The following EBF1 variants were observed in gnomAD, a reference collection of about 807,000 sequenced individuals.
The protein encoded by EBF1 is transcription factor COE1.
Under a neutral mutation model 68.4 loss-of-function variants are expected in EBF1, and 10 were observed. The observed-to-expected ratio is 0.15, with a 90% CI of 0.09 to 0.25. The LOEUF is 0.25. Among genes scored for constraint, EBF1 ranks in the 10% least tolerant of loss-of-function variants. The pLI is 1.00. For synonymous variants in EBF1, 298 were observed against 299.8 expected (o/e 0.99, Z 0.06); for missense variants, 509 against 794.4 (o/e 0.64, Z 4.32).
chr5:159,014,330 C>T (rs148423538), intron 6 of EBF1, among the ~76,000 whole-genome samples: 2 of 152,112 alleles, frequency 1.3e-5, no homozygotes, highest in Admixed American at 6.5e-5. Flanking sequence ...TTACCATGTC[C>T]CCAAAATTAA....
intron 10 of EBF1, among the ~76,000 whole-genome samples, chr5:158,749,853 A>G (rs1052009419): frequency 6.6e-6 from 1 of 152,130 alleles, no homozygotes; most frequent in Non-Finnish European, 1.5e-5. Context: ...GGTCTGGGCA[A>G]GGTAAACTAA....
chr5:159,084,811 G>A (rs1419139857), intron 4 of EBF1, 72 bp from the exon 5 acceptor site: 5 of 1,363,636 alleles, frequency 3.7e-6, no homozygotes, highest in Non-Finnish European at 5.0e-6. Context: ...TCACAATTGA[G>A]TTCTTAACCA....
At chr5:158,719,237 C>T (rs966622590) in intron 11 of EBF1, among the ~76,000 whole-genome samples, 4 of 152,162 alleles carry the variant, frequency 2.6e-5, no homozygotes, top group Middle Eastern at 3.4e-3. Context: ...TTCCTGCTGG[C>T]TTGGACTTAC....
chr5:158,969,919 A>G (rs13153502), intron 6 of EBF1, among the ~76,000 whole-genome samples: 5,858 of 60,022 alleles, frequency 0.098, 400 homozygotes, highest in African/African-American at 0.12. Context: ...AAAGAAAGAA[A>G]AAAAAAAAAA....
chr5:159,090,131 C>A (rs1459173060), intron 4 of EBF1, among the ~76,000 whole-genome samples: 1 of 151,788 alleles, frequency 6.6e-6, no homozygotes, highest in African/African-American at 2.4e-5. Context: ...AAGCCTTTGG[C>A]AGCAAATTAC....
intron 11 of EBF1, among the ~76,000 whole-genome samples, chr5:158,719,131 C>G (rs1188147166): frequency 6.6e-6 from 1 of 152,202 alleles, no homozygotes; most frequent in Non-Finnish European, 1.5e-5. Flanking sequence ...TTCCATTTAG[C>G]TACAGACTCT....
At position 158,907,674 on chromosome 5, in the gene EBF1, G is replaced by C. The variant is rs146542208; in HGVS notation, c.555-67564C>G. 4.6e-3 allele frequency among the ~76,000 whole-genome samples: 697 copies of C among 152,090 alleles called. 4 individuals carry two copies. The highest frequency in any genetic ancestry group is 0.016 in the African/African-American group (643 of 41,480). On this transcript the variant is annotated intron_variant, in intron 6 of 15. Transcript: ENST00000313708. ...TTTTAAATGAATAAGAACAGAATCA[G>C]TTCTCCTCTTTCACTACTATCACCA...
At chr5:158,898,653 T>G (rs557675564) in intron 6 of EBF1, among the ~76,000 whole-genome samples, 16 of 152,362 alleles carry the variant, frequency 1.1e-4, no homozygotes, top group African/African-American at 1.9e-4. Flanking sequence ...TTTCAAAACC[T>G]CAGACTTTCC....
rs190631354 is a variant in EBF1 at position 158,895,613 on chromosome 5, A to G, written c.555-55503T>C. Reference sequence around the variant, plus strand: ...CAGGTCAGTGACTAAAGACAATGCTATCATTCTACTGGGACACCATCAATA... The same window carrying G: ...CAGGTCAGTGACTAAAGACAATGCTGTCATTCTACTGGGACACCATCAATA... On this transcript the variant is annotated intron_variant, in intron 6 of 15. Coordinates refer to ENST00000313708, the MANE Select transcript of EBF1 (RefSeq NM_024007.5). 3.1e-3 allele frequency among the ~76,000 whole-genome samples: 471 copies of G among 152,326 alleles called. 4 individuals are homozygous for G. The highest frequency in any genetic ancestry group is 4.4e-3 in the Non-Finnish European group (299 of 68,026).
intron 10 of EBF1, among the ~76,000 whole-genome samples, chr5:158,745,588 C>T (rs568263410): frequency 6.6e-6 from 1 of 152,180 alleles, no homozygotes; most frequent in Non-Finnish European, 1.5e-5. Flanking sequence ...GCTGAAGAGA[C>T]TAGACCAGTT....
chr5:158,749,289 A>G (rs1410700754), intron 10 of EBF1, among the ~76,000 whole-genome samples: 1 of 152,148 alleles, frequency 6.6e-6, no homozygotes, highest in Non-Finnish European at 1.5e-5. Context: ...ACAATTTTCT[A>G]ATTGTCATTA....
intron 8 of EBF1, among the ~76,000 whole-genome samples, chr5:158,798,410 A>AT (rs1448879155): frequency 6.6e-6 from 1 of 152,168 alleles, no homozygotes; most frequent in South Asian, 2.1e-4. Flanking sequence ...GTTAATTTTT[A>AT]TTTTTTTAAT....
rs190617966 is a variant in EBF1, at chr5:158,737,116, C to T, written c.1037-5959G>A. The stretch of plus-strand genomic sequence containing the variant: ...TGCCCCTGCCTCGGAGAGAGCGAGG[C>T]TCAGGAGGGCTTCAGGGAAGGACTC... On this transcript the variant is annotated intron_variant, in intron 10 of 15. Transcript: ENST00000313708. Among the ~76,000 whole-genome samples the T allele has an allele frequency of 6.4e-3, 967 of 152,160 alleles. 4 individuals carry two copies. The highest frequency in any genetic ancestry group is 9.2e-3 in the Non-Finnish European group (624 of 67,992).
At chr5:158,905,490 C>T (rs913591608) in intron 6 of EBF1, among the ~76,000 whole-genome samples, 2 of 152,146 alleles carry the variant, frequency 1.3e-5, no homozygotes, top group African/African-American at 4.8e-5. Context: ...TCTCAGCTTT[C>T]CTTGGCAGAG....
chr5:158,738,371 C>T (rs1765637952), intron 10 of EBF1, among the ~76,000 whole-genome samples: 1 of 152,204 alleles, frequency 6.6e-6, no homozygotes. Flanking sequence ...TCCTAACTAT[C>T]CTTCATAAAA....
intron 6 of EBF1, among the ~76,000 whole-genome samples, chr5:158,889,258 C>T (rs896029717): frequency 3.9e-5 from 6 of 152,064 alleles, no homozygotes; most frequent in Non-Finnish European, 7.4e-5. Flanking sequence ...ATGGGGATGG[C>T]AAGTGGTGAG....
chr5:158,931,589 A>G (rs1236020648), intron 6 of EBF1, among the ~76,000 whole-genome samples: 3 of 152,218 alleles, frequency 2.0e-5, no homozygotes, highest in Admixed American at 1.3e-4. Context: ...TCATTTTTAA[A>G]CTAGTTAGCT....
chr5:158,919,613 G>A (rs1807961413), intron 6 of EBF1, among the ~76,000 whole-genome samples: 1 of 152,116 alleles, frequency 6.6e-6, no homozygotes, highest in Non-Finnish European at 1.5e-5. Context: ...CAGGGAACTA[G>A]CCTGGGAAAC....
intron 6 of EBF1, among the ~76,000 whole-genome samples, chr5:158,914,422 A>AG (rs1181115807): frequency 6.6e-6 from 1 of 152,102 alleles, no homozygotes; most frequent in African/African-American, 2.4e-5. Context: ...ATGCCGCACG[A>AG]GGGGGGTAAC....
Sources: allele counts gnomAD v4.1 joint callset (sites outside exome capture counted in the v4.1 genomes callset), GRCh38; gene constraint gnomAD v4.1.1; transcripts MANE v1.5; gene names NCBI Gene and HGNC (gene_info 2026-07-23, HGNC 2026-07-21).